Variants in DUS2 observed in about 807,000 individuals in gnomAD.
DUS2 encodes dihydrouridine synthase 2, also known as tRNA-dihydrouridine(20) synthase [NAD(P)+]-like.
Under a neutral mutation model 71.3 loss-of-function variants are expected in DUS2, and 52 were observed. That is an observed-to-expected ratio of 0.73 (90% CI 0.58 to 0.92). The LOEUF (loss-of-function observed/expected upper bound fraction) is 0.92, where lower values mean the gene tolerates loss of function less well. Ranked by LOEUF, DUS2 falls within the 40% of genes least tolerant of loss-of-function variation. The pLI is 0.00. For synonymous variants in DUS2, 204 were observed against 227.8 expected, an observed-to-expected ratio of 0.90 and a Z score of 0.94; for missense variants, 558 against 622.6, an observed-to-expected ratio of 0.90 and a Z score of 1.10.
rs200965556 is a variant in DUS2 at position 68,075,545 on chromosome 16, A to T, written c.1082+41A>T. 1.2e-3 allele frequency: 1,965 copies of T among 1,574,868 alleles called. 3 individuals are homozygous for T. Among genetic ancestry groups the T allele is most frequent in the Non-Finnish European group, 1.6e-3 (1,836 of 1,158,012 alleles). On this transcript the variant is annotated intron_variant, in intron 14 of 16. Coordinates refer to ENST00000565263, the MANE Select transcript of DUS2 (RefSeq NM_017803.5). ...GGCCTCAGCTTGGGCTAGGGCCAGC[A>T]CCCTTGGGGTCCCACTGGGCCAGCA...
chr16:68,029,800 C>T (rs1450087835), intron 2 of DUS2, among the ~76,000 whole-genome samples: 3 of 151,714 alleles, frequency 2.0e-5, no homozygotes, highest in Non-Finnish European at 4.4e-5. Flanking sequence ...TTCTAGTTGA[C>T]TTTCCAAATT....
intron 8 of DUS2, among the ~76,000 whole-genome samples, chr16:68,064,482 A>G (rs2033979816): frequency 6.6e-6 from 1 of 152,260 alleles, no homozygotes; most frequent in Non-Finnish European, 1.5e-5. Flanking sequence ...TACAAGACAG[A>G]GAATTGGATC....
chr16:68,045,337 G>A (rs2033684617), intron 3 of DUS2, among the ~76,000 whole-genome samples: 1 of 151,928 alleles, frequency 6.6e-6, no homozygotes. Context: ...CCAGCGTGGT[G>A]GCTCACACCT....
intron 3 of DUS2, among the ~76,000 whole-genome samples, chr16:68,041,264 C>G (rs2033621876): frequency 6.6e-6 from 1 of 151,996 alleles, no homozygotes; most frequent in Non-Finnish European, 1.5e-5. Flanking sequence ...GAGGATGAGC[C>G]AGTCTGTAAA....
At chr16:68,058,134 C>T (rs560771502) in intron 7 of DUS2, among the ~76,000 whole-genome samples, 26 of 151,636 alleles carry the variant, frequency 1.7e-4, no homozygotes, top group South Asian at 8.3e-4. Flanking sequence ...AGAGGTTTGT[C>T]GAGTGGGAGA....
chr16:68,068,989 T>C lies in DUS2; in HGVS notation c.555-1145T>C, dbSNP rs1438669017. 2.0e-5 allele frequency among the ~76,000 whole-genome samples: 3 copies of C among 152,110 alleles called. No individual in the cohort carries two copies. In the East Asian group the frequency reaches 5.8e-4, roughly 29 times the overall value. On this transcript the variant is annotated intron_variant, in intron 10 of 16. Coordinates refer to ENST00000565263, the MANE Select transcript of DUS2 (RefSeq NM_017803.5). ...TGTGGGTGAGTTTGAAGAAGCCCTT[T>C]GTGACCATCAAAGCTGGTGAGATGG...
chr16:68,049,107 G>A (rs2033743120), intron 3 of DUS2, among the ~76,000 whole-genome samples: 1 of 152,070 alleles, frequency 6.6e-6, no homozygotes. Flanking sequence ...TTTGTTTTTG[G>A]ATGTTTCTTG....
chr16:68,071,810 T>A (rs1184441164), intron 12 of DUS2, among the ~76,000 whole-genome samples: 1 of 152,170 alleles, frequency 6.6e-6, no homozygotes, highest in African/African-American at 2.4e-5. Context: ...GCTAATTTTT[T>A]ATTTTTTTAA....
intron 6 of DUS2, among the ~76,000 whole-genome samples, chr16:68,055,690 C>T (rs561227418): frequency 8.6e-5 from 13 of 152,024 alleles, no homozygotes; most frequent in Non-Finnish European, 1.5e-4. Context: ...GTGGCACATA[C>T]TGACATCTTA....
chr16:68,077,843 G>T (rs2034179786), intron 15 of DUS2: 1 of 155,088 alleles, frequency 6.4e-6, no homozygotes, highest in South Asian at 2.0e-4. Flanking sequence ...CATCTGGACT[G>T]GTCTTCTGGC....
chr16:68,029,915 C>T (rs1034017669), intron 2 of DUS2, among the ~76,000 whole-genome samples: 11 of 150,872 alleles, frequency 7.3e-5, no homozygotes, highest in African/African-American at 2.4e-4. Context: ...CACCATGCCC[C>T]GCTAATTTTT....
intron 3 of DUS2, among the ~76,000 whole-genome samples, chr16:68,044,427 A>G (rs1383486257): frequency 7.3e-6 from 1 of 137,790 alleles, no homozygotes; most frequent in African/African-American, 2.8e-5. Context: ...ATGAGGTCTC[A>G]CTCTGTTACC....
intron 6 of DUS2, 71 bp from the exon 7 acceptor site, chr16:68,056,293 C>A: frequency 1.5e-6 from 2 of 1,349,820 alleles, no homozygotes; most frequent in Non-Finnish European, 2.1e-6. Context: ...ACAGGCCCAT[C>A]CATGCCTTTA....
At chr16:68,078,694 C>A in intron 16 of DUS2, 55 bp from the exon 17 acceptor site, 2 of 1,554,306 alleles carry the variant, frequency 1.3e-6, no homozygotes, top group South Asian at 1.2e-5. Context: ...TGTGTAGAGT[C>A]AGGCCTCATA....
At chr16:68,045,611 T>TAA (rs529856830) in intron 3 of DUS2, among the ~76,000 whole-genome samples, 1 of 139,544 alleles carries the variant, frequency 7.2e-6, no homozygotes, top group Non-Finnish European at 1.6e-5. Flanking sequence ...AACTCTGTCT[T>TAA]AAAAAAAAAA....
chr16:68,053,023 C>T (rs551810629), intron 4 of DUS2, among the ~76,000 whole-genome samples: 3 of 150,768 alleles, frequency 2.0e-5, no homozygotes, highest in Non-Finnish European at 2.9e-5. Flanking sequence ...AGTGCAATGG[C>T]GCGATCTCGG....
Position 68,037,986 on chromosome 16 carries a change from GT to G in DUS2, c.-18-17del. ...TTCTTCATTTGAATTTCTGACTCTT[GT>G]TTCCTCTTTTTTTTTCAGGCTGTAA... is the stretch of plus-strand genomic sequence containing the variant. On this transcript the variant is annotated intron_variant, in intron 2 of 16. Transcript: ENST00000565263. 6.2e-7 allele frequency: 1 copy of G among 1,600,302 alleles called. No individual in the cohort carries two copies. The highest frequency in any genetic ancestry group is 8.5e-7 in the Non-Finnish European group (1 of 1,174,436).
At chr16:68,034,925 C>T (rs1014352143) in intron 2 of DUS2, among the ~76,000 whole-genome samples, 6 of 152,082 alleles carry the variant, frequency 3.9e-5, no homozygotes, top group Admixed American at 1.3e-4. Context: ...TGCTTGAACC[C>T]GGGAGGCAGA....
At chr16:68,066,499 A>T in intron 9 of DUS2, 67 bp from the exon 10 acceptor site, 7 of 1,588,738 alleles carry the variant, frequency 4.4e-6, no homozygotes, top group Non-Finnish European at 6.0e-6. Flanking sequence ...AGCTGAGCCT[A>T]CTTTAGGAGG....
Sources: gnomAD v4.1 joint callset for allele counts (sites outside exome capture counted in the v4.1 genomes callset) on GRCh38, gnomAD v4.1.1 for gene constraint, MANE v1.5 for transcripts, NCBI Gene and HGNC (gene_info 2026-07-23, HGNC 2026-07-21) for gene names.